OGDH: variants seen among roughly 807,000 people sequenced by gnomAD.
The protein encoded by OGDH is 2-oxoglutarate dehydrogenase complex component E1.
In OGDH, 38 loss-of-function variants were observed where a neutral mutation model predicts 116.6. The observed-to-expected ratio is 0.33, with a 90% confidence interval of 0.25 to 0.43. The LOEUF (loss-of-function observed/expected upper bound fraction) is 0.43, where lower values mean the gene tolerates loss of function less well. Among genes scored for constraint, OGDH ranks in the 20% least tolerant of loss-of-function variants. The probability of loss-of-function intolerance (pLI) is 1.00; values close to 1 mark genes in which losing one functional copy is unlikely to be tolerated. For missense variants in OGDH, 825 were observed against 1,357.2 expected, an observed-to-expected ratio of 0.61 and a Z score of 6.16; for synonymous variants, 488 against 533.3, an observed-to-expected ratio of 0.92 and a Z score of 1.17.
At chr7:44,672,220 T>C (rs1787493205) in intron 5 of OGDH, among the ~76,000 whole-genome samples, 1 of 152,140 alleles carries the variant, frequency 6.6e-6, no homozygotes, top group Non-Finnish European at 1.5e-5. Context: ...TAATTTTGAG[T>C]TTAGGCAAAG....
chr7:44,616,882 T>C (rs1337248917), intron 1 of OGDH, among the ~76,000 whole-genome samples: 1 of 135,124 alleles, frequency 7.4e-6, no homozygotes, highest in Non-Finnish European at 1.6e-5. Flanking sequence ...CGTATATATA[T>C]ATGTATATAT....
chr7:44,627,653 T>C (rs1785260267), intron 2 of OGDH, among the ~76,000 whole-genome samples: 1 of 152,088 alleles, frequency 6.6e-6, no homozygotes, highest in South Asian at 2.1e-4. Flanking sequence ...GGCACTACTT[T>C]CCCATTGTTG....
intron 4 of OGDH, among the ~76,000 whole-genome samples, chr7:44,664,752 T>C (rs1055700968): frequency 6.6e-6 from 1 of 152,192 alleles, no homozygotes; most frequent in Admixed American, 6.5e-5. Context: ...ATATGTGTAC[T>C]CCGCTTTCAC....
At chr7:44,679,732 C>T (rs1787849728) in intron 9 of OGDH, among the ~76,000 whole-genome samples, 1 of 152,154 alleles carries the variant, frequency 6.6e-6, no homozygotes. Flanking sequence ...AGACCTTGCA[C>T]AATGTGAGTG....
chr7:44,621,952 C>CA (rs1398621078), intron 1 of OGDH, among the ~76,000 whole-genome samples: 1 of 151,978 alleles, frequency 6.6e-6, no homozygotes, highest in Admixed American at 6.6e-5. Context: ...CTGCGGATAG[C>CA]AAAATGTCAT....
chr7:44,644,987 A>G (rs1786104484), intron 2 of OGDH, among the ~76,000 whole-genome samples: 1 of 152,280 alleles, frequency 6.6e-6, no homozygotes, highest in African/African-American at 2.4e-5. Context: ...TACATCCTGA[A>G]TCTGTCCCCA....
chr7:44,673,772 T>C lies in OGDH; in HGVS notation c.634-15T>C. ...GTTAGAAATCCCCTTGACTGTGTGT[T>C]TCTGTATGGAATAGATGGCCTACTG... On this transcript the variant is annotated splice_polypyrimidine_tract_variant and intron_variant, in intron 5 of 22. Coordinates refer to ENST00000222673, the MANE Select transcript of OGDH (RefSeq NM_002541.4). The C allele has an allele frequency of 6.2e-7, 1 of 1,614,086 alleles. No homozygotes were observed. The highest frequency in any genetic ancestry group is 1.1e-5 in the South Asian group (1 of 91,080).
chr7:44,670,880 G>A (rs940011683), intron 5 of OGDH, among the ~76,000 whole-genome samples: 66 of 151,580 alleles, frequency 4.4e-4, no homozygotes, highest in African/African-American at 1.5e-3. Context: ...GCGTGGTGGC[G>A]GGCACCTGTA....
chr7:44,676,612 G>GTATATATATATATA (rs1289242794), intron 9 of OGDH: 11 of 111,432 alleles, frequency 9.9e-5, no homozygotes, highest in South Asian at 3.5e-4. Context: ...GTGTGTGTGT[G>GTATATATATATATA]TGTATATATA....
At chr7:44,691,984 A>T (rs1269024423) in intron 10 of OGDH, among the ~76,000 whole-genome samples, 4 of 26,366 alleles carry the variant, frequency 1.5e-4, no homozygotes, top group Non-Finnish European at 3.6e-4. Context: ...TCTGTCTTAA[A>T]AAAAAAAAAA....
At chr7:44,702,179 C>T (rs1788862935) in intron 20 of OGDH, among the ~76,000 whole-genome samples, 1 of 152,176 alleles carries the variant, frequency 6.6e-6, no homozygotes, top group African/African-American at 2.4e-5. Flanking sequence ...TGTTGCCTCT[C>T]ACCTGCAAAT....
intron 4 of OGDH, chr7:44,656,224 G>A (rs1188006472): frequency 8.4e-7 from 1 of 1,188,790 alleles, no homozygotes; most frequent in East Asian, 2.5e-5. Flanking sequence ...TGTGGTAATG[G>A]TGTAGGGTTT....
intron 2 of OGDH, among the ~76,000 whole-genome samples, chr7:44,643,635 A>G (rs1024261392): frequency 3.9e-5 from 6 of 152,300 alleles, no homozygotes; most frequent in African/African-American, 1.4e-4. Context: ...TGTCTGAAAA[A>G]AACAGAAGAC....
At chr7:44,633,265 A>AAG (rs1056738882) in intron 2 of OGDH, among the ~76,000 whole-genome samples, 1 of 151,120 alleles carries the variant, frequency 6.6e-6, no homozygotes, top group Admixed American at 6.6e-5. Flanking sequence ...AAAAAAAAAA[A>AAG]AAAAAAAAAC....
chr7:44,607,312 T>G (rs576782335), intron 1 of OGDH, among the ~76,000 whole-genome samples: 28 of 152,210 alleles, frequency 1.8e-4, no homozygotes, highest in Non-Finnish European at 2.9e-4. Context: ...AGCACCATTT[T>G]CCCTCGAAAA....
Position 44,696,969 on chromosome 7 carries a change from C to T in OGDH, c.1956C>T (p.Asp652=). ...RGEMVKNRTV[D]WALAEYMAFG... ...AAATGGTGAAGAACCGGACTGTGGA[C>T]TGGGCTCTAGCGGAGTACATGGCGT... The change falls in exon 15 of 23, where the codon GAC becomes GAT. Residue 652 remains aspartate (D), a synonymous_variant. Transcript: ENST00000222673. 1 of 1,614,234 alleles carries T rather than the reference C, an allele frequency of 6.2e-7. No individual in the cohort carries two copies. The highest frequency in any genetic ancestry group is 2.2e-5 in the East Asian group (1 of 44,888).
In OGDH at chr7:44,707,036, C is replaced by T. The variant is rs1789109777; in HGVS notation, c.2633-189C>T. 6.6e-6 allele frequency among the ~76,000 whole-genome samples: 1 copy of T among 152,186 alleles called. No individual in the cohort carries two copies. Among genetic ancestry groups the T allele is most frequent in the Admixed American group, 6.5e-5 (1 of 15,274 alleles). On this transcript the variant is annotated intron_variant, in intron 20 of 22. Transcript: ENST00000222673. This position sits in a 1 kb window ranked among gnomAD's most constrained non-coding sequence, Gnocchi z 5.2. ...CCATGTCTGCTGTGTATTTGTTACA[C>T]GTAACGTGCTTTTCAAAGTGTGCCT...
At chr7:44,651,493 C>G (rs751403077) in intron 4 of OGDH, among the ~76,000 whole-genome samples, 3 of 152,174 alleles carry the variant, frequency 2.0e-5, no homozygotes, top group Non-Finnish European at 4.4e-5. Context: ...TTTTATCTTT[C>G]AAGTGTAGCA....
chr7:44,618,564 G>A (rs536933665), intron 1 of OGDH, among the ~76,000 whole-genome samples: 1 of 152,234 alleles, frequency 6.6e-6, no homozygotes, highest in African/African-American at 2.4e-5. Flanking sequence ...ACTAAAATAA[G>A]CATGTATTTT....
Sources: gnomAD v4.1 joint callset for allele counts (sites outside exome capture counted in the v4.1 genomes callset) on GRCh38, gnomAD v4.1.1 for gene constraint, Gnocchi (gnomAD v3.1) non-coding constraint, MANE v1.5 for transcripts, NCBI Gene and HGNC (gene_info 2026-07-23, HGNC 2026-07-21) for gene names.